The following SNX25 variants were observed in gnomAD, a reference collection of about 807,000 sequenced individuals.
The protein encoded by SNX25 is sorting nexin 25.
Under a neutral mutation model 113.7 loss-of-function variants are expected in SNX25, and 62 were observed. That is an observed-to-expected ratio of 0.55 (90% CI 0.44 to 0.67). The LOEUF (loss-of-function observed/expected upper bound fraction) is 0.67. Ranked by LOEUF, SNX25 falls within the 30% of genes least tolerant of loss-of-function variation. The probability of loss-of-function intolerance (pLI) is 0.00; values close to 1 mark genes in which losing one functional copy is unlikely to be tolerated. For missense variants in SNX25, 1,014 were observed against 1,161.0 expected, an observed-to-expected ratio of 0.87 and a Z score of 1.84; for synonymous variants, 421 against 436.2, an observed-to-expected ratio of 0.97 and a Z score of 0.43.
At chr4:185,320,574 T>TTAAA (rs59009266) in intron 7 of SNX25, among the ~76,000 whole-genome samples, 159 bp from the exon 8 acceptor site, 1 of 152,276 alleles carries the variant, frequency 6.6e-6, no homozygotes, top group East Asian at 1.9e-4. Flanking sequence ...GTACATTTAC[T>TTAAA]TAAATAAATA....
chr4:185,297,325 G>C (rs1231961351), intron 6 of SNX25, among the ~76,000 whole-genome samples: 1 of 152,162 alleles, frequency 6.6e-6, no homozygotes, highest in Admixed American at 6.5e-5. Flanking sequence ...TCATTACAGA[G>C]GTTATGTTGG....
chr4:185,291,365 C>A (rs377483500), intron 6 of SNX25, among the ~76,000 whole-genome samples: 2 of 152,174 alleles, frequency 1.3e-5, no homozygotes, highest in South Asian at 4.1e-4. Context: ...GCTCCACTCT[C>A]CCCACTCCCC....
intron 13 of SNX25, among the ~76,000 whole-genome samples, chr4:185,350,163 G>A (rs181821241): frequency 6.6e-6 from 1 of 152,170 alleles, no homozygotes; most frequent in East Asian, 1.9e-4. Flanking sequence ...TGTCCCCAGC[G>A]GGGCAGTATT....
At chr4:185,227,187 G>T (rs184977189) in intron 1 of SNX25, among the ~76,000 whole-genome samples, 123 of 152,386 alleles carry the variant, frequency 8.1e-4, no homozygotes, top group Non-Finnish European at 1.4e-3. Context: ...TTACTGGCCA[G>T]GTTTGGGCAG....
At chr4:185,315,546 T>C (rs907446763) in intron 7 of SNX25, among the ~76,000 whole-genome samples, 19 of 152,072 alleles carry the variant, frequency 1.2e-4, no homozygotes, top group African/African-American at 4.1e-4. Flanking sequence ...CGCCTGCCTC[T>C]GTCTCCCAAA....
At chr4:185,238,178 T>C (rs969283856) in intron 1 of SNX25, among the ~76,000 whole-genome samples, 3 of 151,980 alleles carry the variant, frequency 2.0e-5, no homozygotes, top group African/African-American at 7.3e-5. Context: ...ATCCCTGATA[T>C]TATTTATTTG....
intron 2 of SNX25, among the ~76,000 whole-genome samples, chr4:185,251,741 T>C (rs1745696653): frequency 6.6e-6 from 1 of 152,068 alleles, no homozygotes; most frequent in Admixed American, 6.6e-5. Context: ...TCTCTTTAAT[T>C]TTTGAAGACT....
intron 2 of SNX25, among the ~76,000 whole-genome samples, chr4:185,253,905 C>T (rs950530093): frequency 1.3e-5 from 2 of 152,174 alleles, no homozygotes; most frequent in Non-Finnish European, 2.9e-5. Flanking sequence ...ATCATGACAG[C>T]GGAAGATACT....
intron 9 of SNX25, among the ~76,000 whole-genome samples, chr4:185,328,051 T>A (rs1467437845): frequency 2.6e-5 from 4 of 152,214 alleles, no homozygotes. Context: ...TTAAAAATAT[T>A]TGATTTAAGC....
At chr4:185,319,527 T>TA (rs1554005973) in intron 7 of SNX25, among the ~76,000 whole-genome samples, 19 of 151,414 alleles carry the variant, frequency 1.3e-4, no homozygotes, top group African/African-American at 3.4e-4. Flanking sequence ...TTTTTTTTTT[T>TA]ATCACTTTTC....
intron 6 of SNX25, among the ~76,000 whole-genome samples, chr4:185,301,142 G>A (rs925812814): frequency 2.6e-5 from 4 of 152,074 alleles, no homozygotes; most frequent in Non-Finnish European, 5.9e-5. Context: ...CTAAACAGGC[G>A]GGCCTTGCTG....
chr4:185,310,255 A>C (rs1380299951), intron 6 of SNX25, among the ~76,000 whole-genome samples: 1 of 152,224 alleles, frequency 6.6e-6, no homozygotes, highest in Admixed American at 6.5e-5. Flanking sequence ...CTTCAATCTC[A>C]AAAGCCTAGC....
At chr4:185,263,027 T>C (rs1267364486) in intron 3 of SNX25, among the ~76,000 whole-genome samples, 1 of 152,224 alleles carries the variant, frequency 6.6e-6, no homozygotes, top group Non-Finnish European at 1.5e-5. Flanking sequence ...CCTTCTTCCA[T>C]AGATCAAGCT....
At chr4:185,239,378 G>A (rs577491723) in intron 1 of SNX25, among the ~76,000 whole-genome samples, 1 of 151,766 alleles carries the variant, frequency 6.6e-6, no homozygotes, top group Non-Finnish European at 1.5e-5. Flanking sequence ...AGCTACTCGG[G>A]AGGCTGAGGC....
At chr4:185,261,090 T>G (rs1227945408) in intron 3 of SNX25, among the ~76,000 whole-genome samples, 3 of 150,702 alleles carry the variant, frequency 2.0e-5, no homozygotes, top group African/African-American at 7.4e-5. Flanking sequence ...GAGGACAGTA[T>G]TCTGTCTGTC....
chr4:185,373,562 G>GTGAATT (rs2095423288), downstream of SNX25, among the ~76,000 whole-genome samples: 1 of 152,222 alleles, frequency 6.6e-6, no homozygotes, highest in Admixed American at 6.5e-5. Flanking sequence ...CTCTGCTACA[G>GTGAATT]TGAATTTGAA....
At chr4:185,254,615 C>T (rs931795719) in intron 2 of SNX25, among the ~76,000 whole-genome samples, 3 of 152,170 alleles carry the variant, frequency 2.0e-5, no homozygotes, top group African/African-American at 7.2e-5. Flanking sequence ...TAGACTAACG[C>T]GGGAGCCTTT....
intron 5 of SNX25, among the ~76,000 whole-genome samples, chr4:185,270,181 G>A (rs904785139): frequency 4.6e-5 from 7 of 151,888 alleles, no homozygotes; most frequent in African/African-American, 1.2e-4. Flanking sequence ...GCGAAACCCC[G>A]TCTCTACAAT....
chr4:185,292,989 G>A (rs1346216049), intron 6 of SNX25, among the ~76,000 whole-genome samples: 4 of 152,176 alleles, frequency 2.6e-5, no homozygotes, highest in African/African-American at 9.7e-5. Context: ...CTCACAGAGT[G>A]GAGGAAAAAT....
Sources: gnomAD v4.1 joint callset for allele counts (sites outside exome capture counted in the v4.1 genomes callset) on GRCh38, gnomAD v4.1.1 for gene constraint, MANE v1.5 for transcripts, NCBI Gene and HGNC (gene_info 2026-07-23, HGNC 2026-07-21) for gene names.